The following CYP2C19 variants were observed in gnomAD, a reference collection of about 807,000 sequenced individuals.
The protein encoded by CYP2C19 is cytochrome P450 2C19.
Under a neutral mutation model 40.9 loss-of-function variants are expected in CYP2C19, and 59 were observed. The ratio of observed to expected loss-of-function variants is 1.44; its 90% CI spans 1.17 to 1.79. The LOEUF (loss-of-function observed/expected upper bound fraction) is 1.79, where lower values mean the gene tolerates loss of function less well. Ranked by LOEUF, CYP2C19 falls within the 40% of genes most tolerant of loss-of-function variation. CYP2C19 has a pLI of 0.00. For synonymous variants in CYP2C19, 253 were observed against 208.7 expected (o/e 1.21, Z -1.83); for missense variants, 754 against 596.9 (o/e 1.26, Z -2.74).
chr10:94,805,394 A>C (rs78779059), intron 5 of CYP2C19, among the ~76,000 whole-genome samples: 11,791 of 152,178 alleles, frequency 0.077, 520 homozygotes, highest in South Asian at 0.12. Context: ...GGATAAATCT[A>C]ACTTGTTTAT....
At chr10:94,826,512 T>A (rs890768363) in intron 6 of CYP2C19, among the ~76,000 whole-genome samples, 1 of 152,190 alleles carries the variant, frequency 6.6e-6, no homozygotes. Flanking sequence ...TGATTTTGTA[T>A]CCTGAGACTT....
chr10:94,807,926 CT>C (rs1848858893), intron 5 of CYP2C19, among the ~76,000 whole-genome samples: 1 of 151,992 alleles, frequency 6.6e-6, no homozygotes, highest in Non-Finnish European at 1.5e-5. Context: ...GTTGCCTGTG[CT>C]TTTGAAGTTT....
At chr10:94,815,725 A>G (rs1052623952) in intron 5 of CYP2C19, among the ~76,000 whole-genome samples, 2 of 152,198 alleles carry the variant, frequency 1.3e-5, no homozygotes, top group Non-Finnish European at 2.9e-5. Flanking sequence ...CCTCCCATAT[A>G]GATTACAATA....
At chr10:94,832,427 A>G (rs1849349067) in intron 6 of CYP2C19, among the ~76,000 whole-genome samples, 1 of 152,214 alleles carries the variant, frequency 6.6e-6, no homozygotes, top group Non-Finnish European at 1.5e-5. Flanking sequence ...CCATGACAAC[A>G]GTATGGGGGA....
At chr10:94,778,817 T>C (rs1055924974) in intron 3 of CYP2C19, among the ~76,000 whole-genome samples, 2 of 152,178 alleles carry the variant, frequency 1.3e-5, no homozygotes, top group African/African-American at 2.4e-5. Flanking sequence ...TACAAACGTA[T>C]GTTTATTGCA....
At chr10:94,849,086 T>A (rs1849614305) in intron 7 of CYP2C19, among the ~76,000 whole-genome samples, 1 of 152,214 alleles carries the variant, frequency 6.6e-6, no homozygotes. Context: ...TCCTGCCTGA[T>A]AGCCCTGTCC....
chr10:94,782,087 G>A, intron 5 of CYP2C19, 90 bp downstream of exon 5: 2 of 1,071,480 alleles, frequency 1.9e-6, no homozygotes, highest in East Asian at 2.9e-5. Context: ...TGTTTAACAG[G>A]TCAAGGAGTA....
At chr10:94,834,656 C>T (rs927810618) in intron 6 of CYP2C19, among the ~76,000 whole-genome samples, 6 of 151,722 alleles carry the variant, frequency 4.0e-5, no homozygotes, top group African/African-American at 1.5e-4. Context: ...GGCTCAAATG[C>T]CTGGGTTTAT....
chr10:94,771,525 G>C (rs941810405), intron 1 of CYP2C19, among the ~76,000 whole-genome samples: 1 of 152,136 alleles, frequency 6.6e-6, no homozygotes, highest in Non-Finnish European at 1.5e-5. Context: ...CCCCATCAGA[G>C]AGAGAATAGT....
At chr10:94,824,669 A>G (rs1300904887) in intron 6 of CYP2C19, among the ~76,000 whole-genome samples, 4 of 151,946 alleles carry the variant, frequency 2.6e-5, no homozygotes, top group Admixed American at 6.6e-5. Flanking sequence ...CATTTTTTTA[A>G]TTATACTTTA....
At chr10:94,848,778 A>G (rs1450067480) in intron 7 of CYP2C19, among the ~76,000 whole-genome samples, 3 of 152,088 alleles carry the variant, frequency 2.0e-5, no homozygotes, top group Non-Finnish European at 4.4e-5. Flanking sequence ...AGTTCTCCTT[A>G]AAGAGATCCT....
intron 7 of CYP2C19, among the ~76,000 whole-genome samples, chr10:94,845,852 T>C (rs985717506): frequency 9.2e-5 from 14 of 152,158 alleles, no homozygotes; most frequent in Admixed American, 7.9e-4. Context: ...ATCACCTTTG[T>C]ATTATAAAAT....
At chr10:94,797,453 T>C (rs970937207) in intron 5 of CYP2C19, among the ~76,000 whole-genome samples, 1 of 151,328 alleles carries the variant, frequency 6.6e-6, no homozygotes, top group Non-Finnish European at 1.5e-5. Context: ...CTGAAATTTT[T>C]TGTGTGTGTG....
At chr10:94,785,546 A>G (rs1415564208) in intron 5 of CYP2C19, among the ~76,000 whole-genome samples, 1 of 152,112 alleles carries the variant, frequency 6.6e-6, no homozygotes, top group Non-Finnish European at 1.5e-5. Flanking sequence ...CTAGTACCAC[A>G]CTTTTGATTA....
At position 94,853,006 on chromosome 10, in the gene CYP2C19, C is replaced by G; in HGVS notation, c.*92C>G. 7.4e-7 allele frequency: 1 copy of G among 1,358,478 alleles called. No individual in the cohort carries two copies. Among genetic ancestry groups the G allele is most frequent in the East Asian group, 2.3e-5 (1 of 43,396 alleles). 84.2% of individuals were successfully genotyped at this position (1,358,478 alleles called of 1,614,324 possible). On this transcript the variant is annotated 3_prime_UTR_variant, in exon 9 of 9. Coordinates refer to ENST00000371321, the MANE Select transcript of CYP2C19 (RefSeq NM_000769.4). ...CACTATCTGTGATGCTTCTTCTGAC[C>G]CGTCATCTCACATTTTCCCTTCCCC...
chr10:94,817,349 A>T (rs112029676), intron 5 of CYP2C19, among the ~76,000 whole-genome samples: 2 of 149,388 alleles, frequency 1.3e-5, no homozygotes, highest in East Asian at 4.0e-4. Flanking sequence ...GCATTTTTTC[A>T]TGTGTTTTTT....
intron 6 of CYP2C19, among the ~76,000 whole-genome samples, chr10:94,828,339 T>G (rs1180804802): frequency 5.3e-5 from 8 of 151,878 alleles, no homozygotes; most frequent in South Asian, 4.2e-4. Flanking sequence ...TTATGAATCT[T>G]GGTGCTCCTG....
chr10:94,829,907 A>C (rs1041954018), intron 6 of CYP2C19, among the ~76,000 whole-genome samples: 53 of 152,040 alleles, frequency 3.5e-4, no homozygotes, highest in African/African-American at 1.2e-3. Context: ...TGTTGGAATA[A>C]CCTGCCGTGT....
At chr10:94,799,028 A>C (rs935556817) in intron 5 of CYP2C19, among the ~76,000 whole-genome samples, 1 of 151,738 alleles carries the variant, frequency 6.6e-6, no homozygotes, top group African/African-American at 2.4e-5. Flanking sequence ...GTTATATGAG[A>C]ATTTGATCCT....
Sources: allele counts gnomAD v4.1 joint callset (sites outside exome capture counted in the v4.1 genomes callset), GRCh38; gene constraint gnomAD v4.1.1; transcripts MANE v1.5; gene names NCBI Gene and HGNC (gene_info 2026-07-23, HGNC 2026-07-21).